The following IL10RB variants were observed in gnomAD, a reference collection of about 807,000 sequenced individuals.
IL10RB encodes interleukin-10 receptor subunit beta.
IL10RB carries 30 observed loss-of-function variants against 38.7 expected under a neutral mutation model. The ratio of observed to expected loss-of-function variants is 0.78; its 90% CI spans 0.58 to 1.05. The LOEUF is 1.05. Among genes scored for constraint, IL10RB ranks in the 50% least tolerant of loss-of-function variants. The probability of loss-of-function intolerance (pLI) is 0.00; values close to 1 mark genes in which losing one functional copy is unlikely to be tolerated. For synonymous variants in IL10RB, 142 were observed against 145.9 expected (o/e 0.97, Z 0.19); for missense variants, 328 against 397.1 (o/e 0.83, Z 1.48).
At chr21:33,309,517 G>A (rs766709859) in exon 2 of IL10RB, 10 of 152,120 alleles carry the variant, frequency 6.6e-5, no homozygotes, top group Non-Finnish European at 1.3e-4. Flanking sequence ...ACCTTTCACT[G>A]AGAAACAATT....
At chr21:33,285,382 T>C (rs2247526) in intron 5 of IL10RB, among the ~76,000 whole-genome samples, 57,367 of 152,046 alleles carry the variant, frequency 0.38, 11,647 homozygotes, top group Non-Finnish European at 0.45. Context: ...CACCGTGTCC[T>C]TGTGGATAAA....
chr21:33,266,615 C>G, intron 1 of IL10RB, 101 bp downstream of exon 1: 1 of 1,180,754 alleles, frequency 8.5e-7, no homozygotes, highest in South Asian at 1.3e-5. Context: ...GACTTAAGAG[C>G]CTTCGGGGCC....
downstream of IL10RB, among the ~76,000 whole-genome samples, chr21:33,301,923 C>T (rs2082986924): frequency 6.6e-6 from 1 of 152,210 alleles, no homozygotes; most frequent in Non-Finnish European, 1.5e-5. Context: ...CTCCTGGTAG[C>T]CACACCCTTG....
chr21:33,301,713 C>G (rs772032435), downstream of IL10RB, among the ~76,000 whole-genome samples: 37 of 152,350 alleles, frequency 2.4e-4, no homozygotes, highest in Admixed American at 5.2e-4. Context: ...AGCACTTTTA[C>G]ATTTTCATTT....
chr21:33,271,725 C>T (rs1312246441), intron 2 of IL10RB, among the ~76,000 whole-genome samples: 2 of 146,770 alleles, frequency 1.4e-5, no homozygotes, highest in South Asian at 2.1e-4. Context: ...GAGACTCCAT[C>T]TCAAAAAAAA....
At chr21:33,276,155 C>G (rs1989166287) in intron 2 of IL10RB, among the ~76,000 whole-genome samples, 1 of 152,122 alleles carries the variant, frequency 6.6e-6, no homozygotes. Context: ...ATGTCTACAT[C>G]TAAATGTATT....
At chr21:33,304,400 T>C (rs1242200957) in intron 1 of IL10RB, among the ~76,000 whole-genome samples, 1 of 152,162 alleles carries the variant, frequency 6.6e-6, no homozygotes, top group Non-Finnish European at 1.5e-5. Flanking sequence ...GTACAAGCCA[T>C]GCTGACTCGG....
At chr21:33,288,858 A>G (rs1421606211) in intron 6 of IL10RB, among the ~76,000 whole-genome samples, 2 of 152,224 alleles carry the variant, frequency 1.3e-5, no homozygotes, top group African/African-American at 2.4e-5. Context: ...ACACTAGAGA[A>G]TGAAAAGATT....
rs142654942 is a variant in IL10RB, at chr21:33,274,759, G to A, written c.174-1837G>A. ...CAGGCTTTGTTGCTCCATTTGTAGAGCACAGGCAGAGTAGATTTGGCATAA... is the reference window on the plus strand; with the variant it reads ...CAGGCTTTGTTGCTCCATTTGTAGAACACAGGCAGAGTAGATTTGGCATAA... On this transcript the variant is annotated intron_variant, in intron 2 of 6. Coordinates refer to ENST00000290200, the MANE Select transcript of IL10RB (RefSeq NM_000628.5). 2.0e-5 allele frequency among the ~76,000 whole-genome samples: 3 copies of A among 152,330 alleles called. No homozygotes were observed. The East Asian group carries it at 5.8e-4, about 29-fold the overall frequency.
intron 1 of IL10RB, among the ~76,000 whole-genome samples, chr21:33,304,916 AT>A (rs2082995213): frequency 6.6e-6 from 1 of 152,184 alleles, no homozygotes; most frequent in Non-Finnish European, 1.5e-5. Flanking sequence ...AAACAGCGTT[AT>A]TTTCCTAAAG....
At chr21:33,288,291 G>A (rs1193279573) in intron 6 of IL10RB, 30 bp downstream of exon 6, 1 of 1,604,840 alleles carries the variant, frequency 6.2e-7, no homozygotes, top group Admixed American at 1.7e-5. Context: ...ATGTGGATTT[G>A]AAAACCTTGA....
intron 2 of IL10RB, among the ~76,000 whole-genome samples, chr21:33,269,555 A>G (rs1246881512): frequency 1.3e-5 from 2 of 152,230 alleles, no homozygotes; most frequent in Admixed American, 6.5e-5. Context: ...TTTGTTTTTT[A>G]ACTTTTAGTT....
chr21:33,268,255 A>C (rs1423310666), intron 1 of IL10RB, 139 bp from the exon 2 acceptor site: 1 of 1,551,346 alleles, frequency 6.4e-7, no homozygotes, highest in Non-Finnish European at 8.7e-7. Flanking sequence ...AGCACAGCCA[A>C]CCTGTCTCTC....
Position 33,292,693 on chromosome 21 carries a change from C to T in IL10RB, c.805-3491C>T, listed in dbSNP as rs368166607. 5.3e-5 allele frequency among the ~76,000 whole-genome samples: 8 copies of T among 152,268 alleles called. No individual in the cohort carries two copies. The South Asian group carries it at 1.7e-3, about 32-fold the overall frequency. ...ATCTGCTGCAGATGGCCCCGCCTGACCCCAGAACTCTCGTATCTATGTTGT... is the reference window on the plus strand; with the variant it reads ...ATCTGCTGCAGATGGCCCCGCCTGATCCCAGAACTCTCGTATCTATGTTGT... On this transcript the variant is annotated intron_variant, in intron 6 of 6. Coordinates refer to ENST00000290200, the MANE Select transcript of IL10RB (RefSeq NM_000628.5).
At chr21:33,279,692 T>C (rs2123578793) in intron 3 of IL10RB, 60 bp from the exon 4 acceptor site, 2 of 1,435,860 alleles carry the variant, frequency 1.4e-6, no homozygotes, top group Non-Finnish European at 2.0e-6. Context: ...TATGAAAAAT[T>C]AATGTTGAAG....
downstream of IL10RB, among the ~76,000 whole-genome samples, chr21:33,298,387 G>A (rs1464403753): frequency 6.6e-6 from 1 of 152,156 alleles, no homozygotes; most frequent in Admixed American, 6.5e-5. Flanking sequence ...GCTGAGGCAG[G>A]TGGATCACCT....
At chr21:33,273,204 G>A (rs1206713958) in intron 2 of IL10RB, among the ~76,000 whole-genome samples, 1 of 152,154 alleles carries the variant, frequency 6.6e-6, no homozygotes, top group Admixed American at 6.5e-5. Flanking sequence ...TGTACTGAGT[G>A]CTGTAGGCAA....
chr21:33,299,122 G>A (rs759216103), downstream of IL10RB, among the ~76,000 whole-genome samples: 3 of 151,914 alleles, frequency 2.0e-5, no homozygotes, highest in Non-Finnish European at 2.9e-5. Context: ...GGACCCACTC[G>A]CACCCCCTCC....
Position 33,276,650 on chromosome 21 carries a change from C to T in IL10RB, c.228C>T (p.Phe76=). The T allele has an allele frequency of 6.2e-7, 1 of 1,613,124 alleles. No homozygotes were observed. The highest frequency in any genetic ancestry group is 8.5e-7 in the Non-Finnish European group (1 of 1,179,092). The change falls in exon 3 of 7, where the codon TTC becomes TTT. Residue 76 remains phenylalanine, a synonymous_variant. Transcript: ENST00000290200. ...CMNTTLTECD[F]SSLSKYGDHT... ...ATACTACCTTGACGGAATGTGATTT[C>T]TCAAGTCTTTCCAAGTATGGTGACC... is the stretch of plus-strand genomic sequence containing the variant.
Sources: allele counts gnomAD v4.1 joint callset (sites outside exome capture counted in the v4.1 genomes callset), GRCh38; gene constraint gnomAD v4.1.1; transcripts MANE v1.5; gene names NCBI Gene and HGNC (gene_info 2026-07-23, HGNC 2026-07-21).